Variants in ALOX5AP observed in about 807,000 individuals in gnomAD.
The protein encoded by ALOX5AP is arachidonate 5-lipoxygenase activating protein.
In ALOX5AP, 9 loss-of-function variants were observed where a neutral mutation model predicts 18.5. The observed-to-expected ratio is 0.49, with a 90% confidence interval of 0.29 to 0.85. The LOEUF (loss-of-function observed/expected upper bound fraction) is 0.85, where lower values mean the gene tolerates loss of function less well. Ranked by LOEUF, ALOX5AP falls within the 40% of genes least tolerant of loss-of-function variation. ALOX5AP has a pLI of 0.08. For synonymous variants in ALOX5AP, 81 were observed against 78.6 expected (o/e 1.03, Z -0.16); for missense variants, 172 against 202.5 (o/e 0.85, Z 0.91).
chr13:30,748,552 T>C (rs1021316105), intron 2 of ALOX5AP, among the ~76,000 whole-genome samples: 3 of 152,186 alleles, frequency 2.0e-5, no homozygotes, highest in African/African-American at 4.8e-5. Context: ...AGACTCAAAA[T>C]GGGTTCATCA....
chr13:30,714,951 C>G (rs1951538502), intron 1 of ALOX5AP, among the ~76,000 whole-genome samples: 1 of 152,184 alleles, frequency 6.6e-6, no homozygotes, highest in Non-Finnish European at 1.5e-5. Flanking sequence ...GAGAATCTAT[C>G]CCTTGGCTTG....
At chr13:30,722,484 C>G (rs1951601916) in intron 1 of ALOX5AP, among the ~76,000 whole-genome samples, 1 of 152,112 alleles carries the variant, frequency 6.6e-6, no homozygotes, top group Non-Finnish European at 1.5e-5. Context: ...GGGTCTATTG[C>G]TTGGTACCAA....
chr13:30,764,178 G>A lies in ALOX5AP; in HGVS notation c.*72G>A. Reference sequence around the variant, plus strand: ...CAAGTCATCATAATTCAGCTCTTGAGAGCATTCTGCTCTTCTTTAGATGGC... The same window carrying A: ...CAAGTCATCATAATTCAGCTCTTGAAAGCATTCTGCTCTTCTTTAGATGGC... On this transcript the variant is annotated 3_prime_UTR_variant, in exon 5 of 5. Transcript: ENST00000380490. 1 of 1,493,352 alleles carries A rather than the reference G, an allele frequency of 6.7e-7. No homozygotes were observed. The highest frequency in any genetic ancestry group is 9.1e-7 in the Non-Finnish European group (1 of 1,102,590). 92.5% of individuals were successfully genotyped at this position (1,493,352 alleles called of 1,614,324 possible).
chr13:30,742,861 C>A (rs941121101), intron 1 of ALOX5AP, among the ~76,000 whole-genome samples: 1 of 9,328 alleles, frequency 1.1e-4, no homozygotes, highest in East Asian at 1.9e-3. Flanking sequence ...CCTTCACCGC[C>A]CCCCCCCCAC....
chr13:30,760,877 T>G (rs1276214100), intron 4 of ALOX5AP, among the ~76,000 whole-genome samples: 1 of 152,020 alleles, frequency 6.6e-6, no homozygotes, highest in Non-Finnish European at 1.5e-5. Flanking sequence ...TTAGAAACAA[T>G]GAAAGATTAG....
Position 30,735,596 on chromosome 13 carries a change from T to G in ALOX5AP, c.-10T>G. On this transcript the variant is annotated 5_prime_UTR_variant, in exon 1 of 5. Coordinates refer to ENST00000380490, the MANE Select transcript of ALOX5AP (RefSeq NM_001629.4). ...GCAGAGCAGTCCTCTCTGGGGAGCC[T>G]GAAGCAAACATGGATCAAGAAACTG... 1 of 1,614,162 alleles carries G rather than the reference T, an allele frequency of 6.2e-7. No homozygotes were observed. The highest frequency in any genetic ancestry group is 2.2e-5 in the East Asian group (1 of 44,890).
chr13:30,722,211 C>T (rs938969353), intron 1 of ALOX5AP, among the ~76,000 whole-genome samples: 1 of 152,132 alleles, frequency 6.6e-6, no homozygotes, highest in Admixed American at 6.5e-5. Context: ...TCCTAAAATG[C>T]GGTGCAGATG....
intron 2 of ALOX5AP, among the ~76,000 whole-genome samples, chr13:30,750,650 C>T (rs1187994049): frequency 6.6e-6 from 1 of 152,082 alleles, no homozygotes; most frequent in African/African-American, 2.4e-5. Context: ...GAATAATGGC[C>T]CCCTCACCAA....
At chr13:30,732,385 A>G, upstream of ALOX5AP, among the ~76,000 whole-genome samples, 1 of 152,220 alleles carries the variant, frequency 6.6e-6, no homozygotes, top group Non-Finnish European at 1.5e-5. Context: ...GGATGAGTTT[A>G]AAAGACAGAA....
intron 1 of ALOX5AP, among the ~76,000 whole-genome samples, chr13:30,722,169 C>T (rs182658528): frequency 1.3e-5 from 2 of 152,228 alleles, no homozygotes; most frequent in Non-Finnish European, 2.9e-5. Context: ...CATAATTCCT[C>T]ATTTCACTTC....
chr13:30,717,714 C>A (rs959361690), intron 1 of ALOX5AP, among the ~76,000 whole-genome samples: 1 of 152,220 alleles, frequency 6.6e-6, no homozygotes, highest in Admixed American at 6.5e-5. Context: ...CCTCTCAGTA[C>A]ATGAATGAGT....
chr13:30,764,293 A>G lies in ALOX5AP; in HGVS notation c.*187A>G. ...GATGTCATGTCAGCTCCGCCCCTTG[A>G]ACATGACCGTGGCCCCAAATTTGCT... On this transcript the variant is annotated 3_prime_UTR_variant, in exon 5 of 5. Transcript: ENST00000380490. 1.7e-6 allele frequency: 1 copy of G among 576,940 alleles called. No homozygotes were observed. The highest frequency in any genetic ancestry group is 2.9e-6 in the Non-Finnish European group (1 of 349,560). The allele number at this position is 576,940 out of a possible 1,614,324, so 35.7% of individuals were successfully genotyped here. A position where few individuals can be genotyped will look rare whatever the true frequency, so the allele number is the denominator to read the frequency against.
At chr13:30,715,759 G>T (rs538463730) in intron 1 of ALOX5AP, among the ~76,000 whole-genome samples, 1 of 152,266 alleles carries the variant, frequency 6.6e-6, no homozygotes, top group East Asian at 1.9e-4. Flanking sequence ...CATAACACAT[G>T]ATCATCCCCT....
intron 1 of ALOX5AP, among the ~76,000 whole-genome samples, chr13:30,743,110 C>T (rs1012699433): frequency 3.3e-5 from 5 of 152,004 alleles, no homozygotes; most frequent in East Asian, 1.9e-4. Context: ...TTTCTTCACA[C>T]GGCTCTCAGC....
rs565035189 is a variant in ALOX5AP at position 30,735,571 on chromosome 13, G to A, written c.-35G>A. 2 of 1,613,610 alleles carry A rather than the reference G, an allele frequency of 1.2e-6. No homozygotes were observed. Among genetic ancestry groups the A allele is most frequent in the African/African-American group, 1.3e-5 (1 of 75,036 alleles). On this transcript the variant is annotated 5_prime_UTR_variant, in exon 1 of 5. Transcript: ENST00000380490. Reference sequence around the variant, plus strand: ...TACAGGGCAGGTTGTGCAGCTGGAGGCAGAGCAGTCCTCTCTGGGGAGCCT... The same window carrying A: ...TACAGGGCAGGTTGTGCAGCTGGAGACAGAGCAGTCCTCTCTGGGGAGCCT...
intron 1 of ALOX5AP, among the ~76,000 whole-genome samples, chr13:30,716,081 C>T (rs764349160): frequency 1.3e-5 from 2 of 152,176 alleles, no homozygotes; most frequent in Non-Finnish European, 2.9e-5. Context: ...GGAAGAGATC[C>T]CCAAGGACAA....
chr13:30,714,347 C>T (rs924305619), intron 1 of ALOX5AP, among the ~76,000 whole-genome samples: 5 of 151,928 alleles, frequency 3.3e-5, no homozygotes, highest in African/African-American at 9.7e-5. Flanking sequence ...AAAGCTGTAT[C>T]TCTGTCCTCA....
intron 1 of ALOX5AP, among the ~76,000 whole-genome samples, chr13:30,741,034 G>A (rs1951758672): frequency 1.3e-5 from 2 of 150,174 alleles, no homozygotes; most frequent in Admixed American, 6.6e-5. Context: ...GCCAAAATTC[G>A]TGGATGCTCA....
Position 30,756,013 on chromosome 13 carries a change from A to C in ALOX5AP, c.311A>C (p.Glu104Ala). 6.2e-7 allele frequency: 1 copy of C among 1,613,954 alleles called. No individual in the cohort carries two copies. Among genetic ancestry groups the C allele is most frequent in the South Asian group, 1.1e-5 (1 of 91,084 alleles). ...AAGTACTTTGTCGGTTACCTAGGAG[A>C]GAGAACGCAGAGGTAGGTAACTGGG... ...RQKYFVGYLG[E>A]RTQSTPGYIF... is the part of the protein sequence containing the mutation. Residue 104 changes from glutamate (E) to alanine (A), a missense_variant, in exon 4 of 5, where the codon GAG (glutamate) becomes GCG (alanine). Glu to Ala is a moderately radical substitution (Grantham distance 107, BLOSUM62 -1). Transcript: ENST00000380490.
Sources: gnomAD v4.1 joint callset for allele counts (sites outside exome capture counted in the v4.1 genomes callset) on GRCh38, gnomAD v4.1.1 for gene constraint, MANE v1.5 for transcripts, NCBI Gene and HGNC (gene_info 2026-07-23, HGNC 2026-07-21) for gene names.